Variants in MSRB3 observed in about 807,000 individuals in gnomAD.
MSRB3 encodes methionine-R-sulfoxide reductase B3.
MSRB3 carries 13 observed loss-of-function variants against 21.0 expected under a neutral mutation model. The observed-to-expected ratio is 0.62, with a 90% CI of 0.40 to 0.98. The LOEUF (loss-of-function observed/expected upper bound fraction) is 0.98, where lower values mean the gene tolerates loss of function less well. MSRB3 is among the 50% of genes least tolerant of loss of function. The pLI is 0.00. For missense variants in MSRB3, 199 were observed against 230.3 expected, an observed-to-expected ratio of 0.86 and a Z score of 0.88; for synonymous variants, 87 against 88.6, an observed-to-expected ratio of 0.98 and a Z score of 0.10.
intron 5 of MSRB3, among the ~76,000 whole-genome samples, chr12:65,388,701 C>A (rs1225519464): frequency 6.6e-6 from 1 of 152,020 alleles, no homozygotes; most frequent in Non-Finnish European, 1.5e-5. Flanking sequence ...GAGAACCCGT[C>A]TCTCCAAGAA....
rs552333018 is a variant in MSRB3 at position 65,353,425 on chromosome 12, T to A, written c.264-15573T>A. Among the ~76,000 whole-genome samples, 6 of 152,320 alleles carry A rather than the reference T, an allele frequency of 3.9e-5. No individual in the cohort carries two copies. The East Asian group carries it at 9.6e-4, about 24-fold the overall frequency. ...TGGGTGCTCCTGTATTGGGTGCATA[T>A]ATATTTAGGATAGTTAGCTCTTCTT... On this transcript the variant is annotated intron_variant, in intron 4 of 6. Coordinates refer to ENST00000308259, the MANE Select transcript of MSRB3 (RefSeq NM_001031679.3).
chr12:65,348,226 T>C (rs1189271354), intron 4 of MSRB3, among the ~76,000 whole-genome samples: 2 of 152,206 alleles, frequency 1.3e-5, no homozygotes, highest in African/African-American at 4.8e-5. Flanking sequence ...GGACTTTTTT[T>C]GGTTGGTAAG....
At chr12:65,299,723 A>G (rs112005791) in intron 1 of MSRB3, among the ~76,000 whole-genome samples, 138 of 152,204 alleles carry the variant, frequency 9.1e-4, no homozygotes, top group African/African-American at 3.1e-3. Context: ...CTAACCCTCT[A>G]CTTTATAAGA....
intron 5 of MSRB3, among the ~76,000 whole-genome samples, chr12:65,450,563 A>G (rs1033830858): frequency 6.6e-6 from 1 of 152,210 alleles, no homozygotes; most frequent in Non-Finnish European, 1.5e-5. Flanking sequence ...AGGTTTTCAC[A>G]TGACTTTTCT....
chr12:65,382,553 CT>C (rs1180250788), intron 5 of MSRB3, among the ~76,000 whole-genome samples: 1 of 151,774 alleles, frequency 6.6e-6, no homozygotes, highest in South Asian at 2.1e-4. Context: ...TTTGATATCA[CT>C]TTTTATCTAC....
chr12:65,328,374 T>TAGTAA (rs1434982334), intron 3 of MSRB3, 152 bp from the exon 4 acceptor site: 1 of 625,692 alleles, frequency 1.6e-6, no homozygotes, highest in African/African-American at 1.8e-5. Context: ...TGAAATATAT[T>TAGTAA]AGTAAAGTTC....
At chr12:65,419,936 C>T in intron 5 of MSRB3, 1 of 579,544 alleles carries the variant, frequency 1.7e-6, no homozygotes, top group Non-Finnish European at 3.3e-6. Context: ...TGCTGCTGAC[C>T]AGCCAGGTGC....
intron 6 of MSRB3, among the ~76,000 whole-genome samples, chr12:65,458,181 C>T (rs550707854): frequency 6.6e-6 from 1 of 152,132 alleles, no homozygotes; most frequent in African/African-American, 2.4e-5. Context: ...TCAACCTGAT[C>T]AGCAGTTTGG....
At chr12:65,441,808 G>A (rs566159627) in intron 5 of MSRB3, among the ~76,000 whole-genome samples, 93 of 152,002 alleles carry the variant, frequency 6.1e-4, no homozygotes, top group African/African-American at 2.1e-3. Flanking sequence ...ATGCCTTTTC[G>A]ATGTAATCTA....
At chr12:65,380,421 C>G (rs763214313) in intron 5 of MSRB3, among the ~76,000 whole-genome samples, 1 of 151,952 alleles carries the variant, frequency 6.6e-6, no homozygotes, top group Non-Finnish European at 1.5e-5. Context: ...ACTAAAAATG[C>G]AAAAATTAAC....
intron 4 of MSRB3, among the ~76,000 whole-genome samples, chr12:65,340,841 A>T (rs943695382): frequency 2.6e-5 from 4 of 152,100 alleles, no homozygotes; most frequent in Admixed American, 6.5e-5. Flanking sequence ...TGAGGTGGGT[A>T]ATTTTCTAAA....
At chr12:65,379,197 T>A (rs1240589832) in intron 5 of MSRB3, among the ~76,000 whole-genome samples, 3 of 151,796 alleles carry the variant, frequency 2.0e-5, no homozygotes, top group Non-Finnish European at 2.9e-5. Context: ...CATCCATCCA[T>A]CCATCCATCC....
intron 4 of MSRB3, among the ~76,000 whole-genome samples, chr12:65,365,371 G>T (rs1244499155): frequency 6.6e-6 from 1 of 152,110 alleles, no homozygotes; most frequent in Non-Finnish European, 1.5e-5. Context: ...AGGCAATGGG[G>T]GCAGGCGGGA....
intron 4 of MSRB3, 118 bp downstream of exon 4, chr12:65,328,721 T>C (rs1803886129): frequency 1.3e-6 from 1 of 757,886 alleles, no homozygotes. Flanking sequence ...TTTTTCTATT[T>C]CCATTTACCC....
In MSRB3 at chr12:65,306,979, C is replaced by T. The variant is rs1464102124; in HGVS notation, c.-51-1550C>T. 5 of 985,832 alleles carry T rather than the reference C, an allele frequency of 5.1e-6. No individual in the cohort carries two copies. In the South Asian group the frequency reaches 1.4e-4, roughly 28 times the overall value. 61.1% of individuals were successfully genotyped at this position (985,832 alleles called of 1,614,324 possible). ...GAGTTGATGAAACAGAATAGGAAGACGTTTTATGGTCAGCTGTGGAAGCAC... is the reference window on the plus strand; with the variant it reads ...GAGTTGATGAAACAGAATAGGAAGATGTTTTATGGTCAGCTGTGGAAGCAC... On this transcript the variant is annotated intron_variant, in intron 1 of 6. Transcript: ENST00000308259.
intron 1 of MSRB3, chr12:65,284,012 C>T (rs1382190253): frequency 6.6e-6 from 1 of 152,114 alleles, no homozygotes; most frequent in Non-Finnish European, 1.5e-5. Flanking sequence ...GCAACTCATA[C>T]AGAAGGAAAT....
intron 2 of MSRB3, among the ~76,000 whole-genome samples, chr12:65,310,481 G>A (rs929678860): frequency 1.3e-5 from 2 of 151,856 alleles, no homozygotes; most frequent in Non-Finnish European, 2.9e-5. Flanking sequence ...CATATCACAG[G>A]TGGACTATGG....
chr12:65,297,820 G>A (rs1411266394), intron 1 of MSRB3, among the ~76,000 whole-genome samples: 1 of 152,146 alleles, frequency 6.6e-6, no homozygotes, highest in Non-Finnish European at 1.5e-5. Context: ...TAGATTGGAG[G>A]CAGAAAGACC....
At chr12:65,426,048 G>A (rs1411730107) in intron 5 of MSRB3, among the ~76,000 whole-genome samples, 1 of 152,012 alleles carries the variant, frequency 6.6e-6, no homozygotes, top group East Asian at 1.9e-4. Flanking sequence ...AGTAGAGAGG[G>A]GGTTTCACCA....
Sources: allele counts gnomAD v4.1 joint callset (sites outside exome capture counted in the v4.1 genomes callset), GRCh38; gene constraint gnomAD v4.1.1; transcripts MANE v1.5; gene names NCBI Gene and HGNC (gene_info 2026-07-23, HGNC 2026-07-21).